RRAGC: variants seen among roughly 807,000 people sequenced by gnomAD.
RRAGC encodes Ras related GTP binding C.
A neutral mutation model predicts 37.1 loss-of-function variants in RRAGC; 8 were observed. The observed-to-expected ratio is 0.22, with a 90% CI of 0.13 to 0.39. The LOEUF (loss-of-function observed/expected upper bound fraction) is 0.39, where lower values mean the gene tolerates loss of function less well. Ranked by LOEUF, RRAGC falls within the 10% of genes least tolerant of loss-of-function variation. The pLI is 1.00. For missense variants in RRAGC, 342 were observed against 497.6 expected (o/e 0.69, Z 2.98); for synonymous variants, 190 against 181.1 (o/e 1.05, Z -0.39).
In RRAGC at chr1:38,859,405, C is replaced by T. The variant is rs1363041943; in HGVS notation, c.237+5G>A. 3.9e-6 allele frequency: 6 copies of T among 1,547,738 alleles called. No individual in the cohort carries two copies. Among genetic ancestry groups the T allele is most frequent in the Non-Finnish European group, 5.2e-6 (6 of 1,146,172 alleles). On this transcript the variant is annotated splice_donor_5th_base_variant and intron_variant, in intron 1 of 6. Coordinates refer to ENST00000373001, the MANE Select transcript of RRAGC (RefSeq NM_022157.4). ...GGGCGGGGGACTGGGCGCAGCCCTG[C>T]TCACCTTCTGGATGGAGGACTTGCC... is the stretch of plus-strand genomic sequence containing the variant.
chr1:38,847,994 C>A, intron 5 of RRAGC: 1 of 141,710 alleles, frequency 7.1e-6, no homozygotes, highest in South Asian at 2.2e-4. Flanking sequence ...GAGCTGTGTT[C>A]ACTACTGCAC....
intron 5 of RRAGC, chr1:38,846,371 C>T (rs1642027510): frequency 3.7e-6 from 1 of 269,570 alleles, no homozygotes; most frequent in Non-Finnish European, 6.9e-6. Flanking sequence ...GAAATGACAA[C>T]GTTACCAACA....
intron 2 of RRAGC, 39 bp from the exon 3 acceptor site, chr1:38,855,946 A>C (rs1340295183): frequency 6.7e-7 from 1 of 1,502,152 alleles, no homozygotes; most frequent in Non-Finnish European, 9.2e-7. Flanking sequence ...AATAAATCTT[A>C]CAAAAGCCAA....
chr1:38,853,395 C>CATTATATATAT (rs1172555072), intron 3 of RRAGC, among the ~76,000 whole-genome samples: 1 of 152,162 alleles, frequency 6.6e-6, no homozygotes, highest in African/African-American at 2.4e-5. Flanking sequence ...TAGTCGCATC[C>CATTATATATAT]ACCACACATT....
chr1:38,850,844 G>GTT (rs377558651), intron 5 of RRAGC, among the ~76,000 whole-genome samples: 5 of 98,664 alleles, frequency 5.1e-5, no homozygotes, highest in African/African-American at 2.2e-4. Context: ...TTTTTTTGTT[G>GTT]TTTTTTTTTG....
chr1:38,842,236 C>T (rs1381867317), intron 6 of RRAGC, among the ~76,000 whole-genome samples: 1 of 152,166 alleles, frequency 6.6e-6, no homozygotes, highest in Non-Finnish European at 1.5e-5. Context: ...CGCACCACTG[C>T]ACTCCAGCCT....
rs1642160228 is a variant in RRAGC, at chr1:38,855,763, G to C, written c.586C>G (p.His196Asp). Residue 196 changes from histidine to aspartate, a missense_variant, in exon 3 of 7, where the codon CAT becomes GAT. Coordinates refer to ENST00000373001, the MANE Select transcript of RRAGC (RefSeq NM_022157.4). ...DHKIETQRDIHQRANDDLADA... is the reference protein window; with the variant it reads ...DHKIETQRDIDQRANDDLADA... ...GCAAGGTCATCATTGGCCCTTTGAT[G>C]AATGTCCCTCTGTGTTTCTATTTTG... The C allele has an allele frequency of 1.2e-6, 2 of 1,613,920 alleles. No homozygotes were observed. Among genetic ancestry groups the C allele is most frequent in the Non-Finnish European group, 1.7e-6 (2 of 1,179,976 alleles).
intron 5 of RRAGC, among the ~76,000 whole-genome samples, chr1:38,849,506 T>C (rs1052661361): frequency 1.3e-5 from 2 of 152,028 alleles, no homozygotes. Flanking sequence ...CTGGCCAACA[T>C]GGTAAAACCC....
chr1:38,850,668 G>A (rs971236272), intron 5 of RRAGC, among the ~76,000 whole-genome samples: 19 of 152,146 alleles, frequency 1.2e-4, no homozygotes, highest in African/African-American at 4.3e-4. Flanking sequence ...ATGAAGGGCA[G>A]AGTCAGAGGT....
At chr1:38,859,260 G>T in intron 1 of RRAGC, 150 bp downstream of exon 1, 1 of 766,458 alleles carries the variant, frequency 1.3e-6, no homozygotes, top group Non-Finnish European at 2.0e-6. Flanking sequence ...GTCCCCGCGC[G>T]GGCCGCGCCT....
intron 6 of RRAGC, among the ~76,000 whole-genome samples, chr1:38,840,147 C>CAAAA (rs397939319): frequency 6.7e-5 from 3 of 45,058 alleles, no homozygotes; most frequent in Admixed American, 2.4e-4. Context: ...GACTCCAACT[C>CAAAA]AAAAAAAAAA....
At chr1:38,846,972 T>C (rs1175463659) in intron 5 of RRAGC, 1 of 152,078 alleles carries the variant, frequency 6.6e-6, no homozygotes, top group East Asian at 1.9e-4. Flanking sequence ...TAGCCGGGCA[T>C]GGTGGCTCAC....
At chr1:38,857,229 T>C in intron 1 of RRAGC, 147 bp from the exon 2 acceptor site, 1 of 616,268 alleles carries the variant, frequency 1.6e-6, no homozygotes, top group Non-Finnish European at 2.9e-6. Context: ...TCCATTGGTA[T>C]TCACTATCCC....
At chr1:38,847,242 G>A (rs1487236266) in intron 5 of RRAGC, 2 of 152,116 alleles carry the variant, frequency 1.3e-5, no homozygotes, top group African/African-American at 4.8e-5. Flanking sequence ...AATGAATAGG[G>A]GTGAGGTTTA....
intron 6 of RRAGC, among the ~76,000 whole-genome samples, chr1:38,843,294 G>C (rs1363062464): frequency 6.6e-6 from 1 of 151,882 alleles, no homozygotes; most frequent in Non-Finnish European, 1.5e-5. Context: ...TCATGTTGGG[G>C]CAATGGAGTA....
chr1:38,858,523 C>A (rs958409205), intron 1 of RRAGC, among the ~76,000 whole-genome samples: 1 of 152,204 alleles, frequency 6.6e-6, no homozygotes, highest in Non-Finnish European at 1.5e-5. Flanking sequence ...CATGGTGAAA[C>A]CCCGTCTCTA....
intron 6 of RRAGC, among the ~76,000 whole-genome samples, chr1:38,845,296 T>TA (rs1225069217): frequency 2.0e-5 from 3 of 152,054 alleles, no homozygotes; most frequent in African/African-American, 4.8e-5. Flanking sequence ...TATGCAGCCA[T>TA]AAAAAAGGAT....
chr1:38,854,724 A>G (rs1189566463), intron 3 of RRAGC, among the ~76,000 whole-genome samples: 1 of 152,188 alleles, frequency 6.6e-6, no homozygotes, highest in Admixed American at 6.5e-5. Flanking sequence ...GGTCAATGAG[A>G]CTTTTCGACA....
At position 38,845,531 on chromosome 1, in the gene RRAGC, G is replaced by A. The variant is rs552455410; in HGVS notation, c.1048+408C>T. On this transcript the variant is annotated intron_variant, in intron 6 of 6. Transcript: ENST00000373001. ...AGGAGAAATACCTAATGTAGATGAC[G>A]GGTTGATGAGTGCAGCAAACCACCA... Among the ~76,000 whole-genome samples, 40 of 152,264 alleles carry A rather than the reference G, an allele frequency of 2.6e-4. No individual in the cohort carries two copies. The South Asian group carries it at 7.5e-3, about 28-fold the overall frequency.
Sources: gnomAD v4.1 joint callset for allele counts (sites outside exome capture counted in the v4.1 genomes callset) on GRCh38, gnomAD v4.1.1 for gene constraint, MANE v1.5 for transcripts, NCBI Gene and HGNC (gene_info 2026-07-23, HGNC 2026-07-21) for gene names.